C15orf40: variants seen among roughly 807,000 people sequenced by gnomAD.
C15orf40 encodes UPF0235 protein C15orf40.
In C15orf40, 9 loss-of-function variants were observed where a neutral mutation model predicts 13.9. That is an observed-to-expected ratio of 0.65 (90% confidence interval 0.39 to 1.13). The LOEUF is 1.13. C15orf40 is among the 50% of genes most tolerant of loss of function. The pLI is 0.01. For missense variants in C15orf40, 225 were observed against 188.5 expected (o/e 1.19, Z -1.13); for synonymous variants, 95 against 69.2 (o/e 1.37, Z -1.85).
At chr15:82,994,076 G>T (rs2030961404), downstream of C15orf40, among the ~76,000 whole-genome samples, 1 of 152,064 alleles carries the variant, frequency 6.6e-6, no homozygotes, top group Non-Finnish European at 1.5e-5. Context: ...AAGACATCTG[G>T]GGAGATTTCT....
In C15orf40 at chr15:83,004,797, C is replaced by G; in HGVS notation, c.*800G>C. 1 of 1,173,188 alleles carries G rather than the reference C, an allele frequency of 8.5e-7. No individual in the cohort carries two copies. The highest frequency in any genetic ancestry group is 1.1e-6 in the Non-Finnish European group (1 of 917,424). 72.7% of individuals were successfully genotyped at this position (1,173,188 alleles called of 1,614,324 possible). ...AAGGTAAGACTACAAAGCAGCATAA[C>G]AGGTTTTCTGTCACTTGTAAACTGG... On this transcript the variant is annotated 3_prime_UTR_variant, in exon 4 of 4. Coordinates refer to ENST00000304177, the MANE Select transcript of C15orf40 (RefSeq NM_144597.3).
At chr15:83,010,970 A>G in intron 1 of C15orf40, 1 of 155,734 alleles carries the variant, frequency 6.4e-6, no homozygotes, top group Admixed American at 6.4e-5. Context: ...GGCACAGAAC[A>G]TTACCCCACA....
chr15:82,991,822 C>T (rs2030873807), downstream of C15orf40: 1 of 1,176,318 alleles, frequency 8.5e-7, no homozygotes, highest in Admixed American at 2.3e-5. Flanking sequence ...GAAGCCAGTG[C>T]TGTTATATAA....
Position 83,011,549 on chromosome 15 carries a change from G to A in C15orf40, c.59C>T (p.Ser20Phe), listed in dbSNP as rs529798992. The change falls in exon 1 of 4, where the codon TCC becomes TTC. Residue 20 changes from serine to phenylalanine, a missense_variant. Coordinates refer to ENST00000304177, the MANE Select transcript of C15orf40 (RefSeq NM_144597.3). The part of the protein sequence containing the change: ...HLRATPNTRG[S>F]ARLLCAEMPK... ...CATCTCGGCGCAAAGAAGCCGAGCG[G>A]AGCCCCGAGTATTGGGTGTTGCCCG... The A allele has an allele frequency of 1.4e-5, 22 of 1,606,840 alleles. No individual in the cohort carries two copies. Among genetic ancestry groups the A allele is most frequent in the Admixed American group, 5.0e-5 (3 of 59,862 alleles).
intron 1 of C15orf40, 130 bp from the exon 2 acceptor site, chr15:83,010,493 G>C: frequency 9.3e-7 from 1 of 1,080,292 alleles, no homozygotes; most frequent in Non-Finnish European, 1.4e-6. Flanking sequence ...GGGACTTCTG[G>C]CCACCTAGAA....
downstream of C15orf40, among the ~76,000 whole-genome samples, chr15:82,991,321 G>A (rs1334232737): frequency 1.3e-5 from 2 of 152,206 alleles, no homozygotes; most frequent in Non-Finnish European, 2.9e-5. Context: ...GCTGTGGGCG[G>A]ATCACTTGGG....
In C15orf40 at chr15:83,011,620, A is replaced by G; in HGVS notation, c.-13T>C. ...GGAGCCGCAGCATCCCCGCCTGGGA[A>G]GGCGCCGGAAGAGCCCTCTGCGCTT... On this transcript the variant is annotated 5_prime_UTR_variant, in exon 1 of 4. Transcript: ENST00000304177. 2 of 1,558,354 alleles carry G rather than the reference A, an allele frequency of 1.3e-6. No homozygotes were observed. The highest frequency in any genetic ancestry group is 1.7e-6 in the Non-Finnish European group (2 of 1,156,834).
rs912005900 is a variant in C15orf40, at chr15:82,995,015, T to A, written c.*10582A>T. ...ATAATATCTAAACAAAGATTTCTCCTGACATCTGCTGTATTAAATTATTAT... is the reference window on the plus strand; with the variant it reads ...ATAATATCTAAACAAAGATTTCTCCAGACATCTGCTGTATTAAATTATTAT... On this transcript the variant is annotated 3_prime_UTR_variant, in exon 4 of 4. Transcript: ENST00000304177. 1 of 152,232 alleles carries A rather than the reference T, an allele frequency of 6.6e-6. No individual in the cohort carries two copies. Among genetic ancestry groups the A allele is most frequent in the Non-Finnish European group, 1.5e-5 (1 of 68,040 alleles). The allele number at this position is 152,232 out of a possible 1,614,324, so 9.4% of individuals were successfully genotyped here. A position where few individuals can be genotyped will look rare whatever the true frequency, so the allele number is the denominator to read the frequency against.
chr15:83,008,804 AAATG>A lies in C15orf40; in HGVS notation c.239-133_239-130del, dbSNP rs377245205. On this transcript the variant is annotated intron_variant, in intron 2 of 3. Transcript: ENST00000304177. ...TTCAATTAAAAACTGTTGAATGAAG[AAATG>A]AATGATTAAACTAATCACATTTAAG... is the stretch of plus-strand genomic sequence containing the variant. 9.8e-5 allele frequency: 102 copies of A among 1,041,436 alleles called. No homozygotes were observed. The African/African-American group carries it at 1.5e-3, about 15-fold the overall frequency. The allele number at this position is 1,041,436 out of a possible 1,614,324, so 64.5% of individuals were successfully genotyped here.
chr15:83,007,559 AG>A (rs1019531080), intron 3 of C15orf40, among the ~76,000 whole-genome samples: 2 of 152,220 alleles, frequency 1.3e-5, no homozygotes. Flanking sequence ...AAAAAGACAA[AG>A]AAAAATCAGT....
downstream of C15orf40, among the ~76,000 whole-genome samples, chr15:82,989,546 A>C (rs2030768829): frequency 6.6e-6 from 1 of 152,252 alleles, no homozygotes; most frequent in Non-Finnish European, 1.5e-5. Flanking sequence ...TACAAATGGA[A>C]GTTACTTTTA....
chr15:83,004,673 CATG>C lies in C15orf40; in HGVS notation c.*921_*923del. On this transcript the variant is annotated 3_prime_UTR_variant, in exon 4 of 4. Transcript: ENST00000304177. ...TTATAATTCACATTTAATTACAAGT[CATG>C]ATTTTTCTTTACTTTTTCAACAAAA... 1.1e-6 allele frequency: 1 copy of C among 908,472 alleles called. No homozygotes were observed. The highest frequency in any genetic ancestry group is 1.3e-6 in the Non-Finnish European group (1 of 757,502). 56.3% of individuals were successfully genotyped at this position (908,472 alleles called of 1,614,324 possible).
rs771347862 is a variant in C15orf40 at position 83,008,679 on chromosome 15, G to A, written c.239-4C>T. 1.3e-6 allele frequency: 2 copies of A among 1,599,730 alleles called. No individual in the cohort carries two copies. The highest frequency in any genetic ancestry group is 4.5e-5 in the East Asian group (2 of 44,722). ...TTTACAGCCTCTGCTGTCAAATCTG[G>A]AATGAAAATAGTGTGGACTTTATCC... On this transcript the variant is annotated splice_region_variant and splice_polypyrimidine_tract_variant and intron_variant, in intron 2 of 3. Transcript: ENST00000304177.
Position 83,010,298 on chromosome 15 carries a change from A to G in C15orf40, c.177T>C (p.Pro59=), listed in dbSNP as rs1567095780. 1 of 1,614,236 alleles carries G rather than the reference A, an allele frequency of 6.2e-7. No individual in the cohort carries two copies. Among genetic ancestry groups the G allele is most frequent in the Non-Finnish European group, 8.5e-7 (1 of 1,180,042 alleles). The part of the protein sequence containing the change: ...LPPLGPVAVD[P]KGCVTIAIHA... The stretch of plus-strand genomic sequence containing the variant: ...GGATGGCTATGGTGACGCATCCTTT[A>G]GGATCAACTGCCACAGGACCTAAGG... Residue 59 remains proline, a synonymous_variant, in exon 2 of 4, where the codon CCT becomes CCC. Coordinates refer to ENST00000304177, the MANE Select transcript of C15orf40 (RefSeq NM_144597.3).
Position 83,000,449 on chromosome 15 carries a change from G to C in C15orf40, c.*5148C>G, listed in dbSNP as rs1216028422. Reference sequence around the variant, plus strand: ...ACACTCCGACCTGAGCTAAATTTAAGATACAAGGGGACTAAGCTTAAGGAA... The same window carrying C: ...ACACTCCGACCTGAGCTAAATTTAACATACAAGGGGACTAAGCTTAAGGAA... On this transcript the variant is annotated 3_prime_UTR_variant, in exon 4 of 4. Coordinates refer to ENST00000304177, the MANE Select transcript of C15orf40 (RefSeq NM_144597.3). 1 of 152,232 alleles carries C rather than the reference G, an allele frequency of 6.6e-6. No homozygotes were observed. Among genetic ancestry groups the C allele is most frequent in the South Asian group, 2.1e-4 (1 of 4,832 alleles). 9.4% of individuals were successfully genotyped at this position (152,232 alleles called of 1,614,324 possible). A position where few individuals can be genotyped will look rare whatever the true frequency, so the allele number is the denominator to read the frequency against.
downstream of C15orf40, among the ~76,000 whole-genome samples, chr15:82,994,185 A>C (rs1181048734): frequency 2.0e-5 from 3 of 152,196 alleles, no homozygotes; most frequent in Admixed American, 6.5e-5. Flanking sequence ...AAAATGTAGG[A>C]CTTTATAATA....
downstream of C15orf40, among the ~76,000 whole-genome samples, chr15:82,991,374 G>A (rs1422721922): frequency 6.6e-6 from 1 of 152,050 alleles, no homozygotes; most frequent in African/African-American, 2.4e-5. Context: ...ATGAGACCCC[G>A]TCTCTACTAA....
At chr15:82,990,409 AAG>A (rs1276006749), downstream of C15orf40, 5 of 425,530 alleles carry the variant, frequency 1.2e-5, no homozygotes, top group Non-Finnish European at 2.0e-5. Flanking sequence ...TTTGTAAGGT[AAG>A]AGAGTATCCA....
chr15:83,002,415 T>A lies in C15orf40; in HGVS notation c.*3182A>T, dbSNP rs1409051786. On this transcript the variant is annotated 3_prime_UTR_variant, in exon 4 of 4. Transcript: ENST00000304177. The stretch of plus-strand genomic sequence containing the variant: ...CTCTTTGTAACTTTTCCCAATTTTA[T>A]TCAGGTATCCAACTCTCTCTACTTC... 6.6e-6 allele frequency: 1 copy of A among 152,284 alleles called. No individual in the cohort carries two copies. Among genetic ancestry groups the A allele is most frequent in the Non-Finnish European group, 1.5e-5 (1 of 68,064 alleles). 9.4% of individuals were successfully genotyped at this position (152,284 alleles called of 1,614,324 possible).
Sources: allele counts gnomAD v4.1 joint callset (sites outside exome capture counted in the v4.1 genomes callset), GRCh38; gene constraint gnomAD v4.1.1; transcripts MANE v1.5; gene names NCBI Gene and HGNC (gene_info 2026-07-23, HGNC 2026-07-21).